The following FAM114A2 variants were observed in gnomAD, a reference collection of about 807,000 sequenced individuals.
FAM114A2 encodes protein FAM114A2.
Under a neutral mutation model 58.4 loss-of-function variants are expected in FAM114A2, and 53 were observed. The observed-to-expected ratio is 0.91, with a 90% CI of 0.73 to 1.14. The LOEUF (loss-of-function observed/expected upper bound fraction) is 1.14, where lower values mean the gene tolerates loss of function less well. FAM114A2 is among the 50% of genes most tolerant of loss of function. The probability of loss-of-function intolerance (pLI) is 0.00; values close to 1 mark genes in which losing one functional copy is unlikely to be tolerated. For missense variants in FAM114A2, 601 were observed against 581.1 expected, an observed-to-expected ratio of 1.03 and a Z score of -0.35; for synonymous variants, 228 against 211.4, an observed-to-expected ratio of 1.08 and a Z score of -0.68.
intron 1 of FAM114A2, among the ~76,000 whole-genome samples, 178 bp from the exon 2 acceptor site, chr5:154,035,145 C>G (rs1027353210): frequency 6.6e-6 from 1 of 152,184 alleles, no homozygotes; most frequent in African/African-American, 2.4e-5. Context: ...AATATAATAT[C>G]ACAACCAGGA....
chr5:154,035,922 T>C (rs2560046), intron 1 of FAM114A2, among the ~76,000 whole-genome samples: 99,146 of 152,030 alleles, frequency 0.65, 32,699 homozygotes, highest in East Asian at 0.88. Context: ...ATTTAAGTTG[T>C]ACTTCTCTAA....
At chr5:154,031,504 A>ATGTAATT (rs962388001) in intron 4 of FAM114A2, among the ~76,000 whole-genome samples, 5 of 152,178 alleles carry the variant, frequency 3.3e-5, no homozygotes, top group African/African-American at 1.2e-4. Context: ...ACTACAAGAC[A>ATGTAATT]CATCCTTGGC....
intron 8 of FAM114A2, among the ~76,000 whole-genome samples, chr5:154,015,095 A>G (rs1770948597): frequency 6.6e-6 from 1 of 152,080 alleles, no homozygotes; most frequent in Admixed American, 6.5e-5. Context: ...ACATAACTCC[A>G]TTGACCTGGA....
chr5:153,991,817 C>T lies in FAM114A2; in HGVS notation c.*1159G>A, dbSNP rs1769262693. ...AGGTTTTAGAAGATGAGGGGCAGAG[C>T]TAACAAATTACCTTAATCATTAAAA... On this transcript the variant is annotated 3_prime_UTR_variant, in exon 14 of 14. Transcript: ENST00000351797. 1 of 151,096 alleles carries T rather than the reference C, an allele frequency of 6.6e-6. No homozygotes were observed. Among genetic ancestry groups the T allele is most frequent in the South Asian group, 2.1e-4 (1 of 4,798 alleles). 9.4% of individuals were successfully genotyped at this position (151,096 alleles called of 1,614,324 possible). A position where few individuals can be genotyped will look rare whatever the true frequency, so the allele number is the denominator to read the frequency against.
chr5:154,028,396 A>AAT (rs1342674408), intron 5 of FAM114A2, 113 bp from the exon 6 acceptor site: 58 of 689,970 alleles, frequency 8.4e-5, no homozygotes, highest in Non-Finnish European at 1.3e-4. Context: ...AGCACTGGCA[A>AAT]GAATGTAAAG....
rs747779290 is a variant in FAM114A2 at position 154,034,395 on chromosome 5, A to G, written c.211-18T>C. ...ACATTATCCTAATTTCCCAGTAGGC[A>G]GAAAAACAAAAGGCAAAGAAAAATG... On this transcript the variant is annotated intron_variant, in intron 2 of 13. Transcript: ENST00000351797. The G allele has an allele frequency of 2.7e-6, 4 of 1,475,260 alleles. 1 individual carries two copies. In the South Asian group the frequency reaches 5.1e-5, roughly 19 times the overall value. The allele number at this position is 1,475,260 out of a possible 1,614,324, so 91.4% of individuals were successfully genotyped here. A position where few individuals can be genotyped will look rare whatever the true frequency, so the allele number is the denominator to read the frequency against.
At chr5:154,035,011 G>A in intron 1 of FAM114A2, 44 bp from the exon 2 acceptor site, 1 of 1,202,696 alleles carries the variant, frequency 8.3e-7, no homozygotes, top group South Asian at 1.3e-5. Context: ...AGGCTTCTTT[G>A]GTATAAAGTA....
chr5:154,002,792 T>C (rs2113237022), intron 10 of FAM114A2, 55 bp downstream of exon 10: 1 of 1,596,542 alleles, frequency 6.3e-7, no homozygotes, highest in South Asian at 1.1e-5. Context: ...TCCCTGATTG[T>C]GACACATTTC....
chr5:154,003,501 C>A (rs944912050), intron 9 of FAM114A2, among the ~76,000 whole-genome samples: 1 of 151,960 alleles, frequency 6.6e-6, no homozygotes, highest in Non-Finnish European at 1.5e-5. Flanking sequence ...TTTAAAAAAC[C>A]AAGGTATAAT....
intron 3 of FAM114A2, 50 bp from the exon 4 acceptor site, chr5:154,033,933 G>T: frequency 8.6e-7 from 1 of 1,168,786 alleles, no homozygotes; most frequent in Non-Finnish European, 1.3e-6. Context: ...CAAAACTGAA[G>T]AAACAAAAAT....
intron 11 of FAM114A2, among the ~76,000 whole-genome samples, chr5:154,001,161 T>TACATATACATATATAC (rs1769944230): frequency 6.6e-6 from 1 of 152,208 alleles, no homozygotes; most frequent in Admixed American, 6.5e-5. Flanking sequence ...GGAGACTATA[T>TACATATACATATATAC]ACATATACAT....
At chr5:154,006,242 G>C (rs1770335813) in intron 9 of FAM114A2, among the ~76,000 whole-genome samples, 1 of 152,158 alleles carries the variant, frequency 6.6e-6, no homozygotes, top group Admixed American at 6.5e-5. Context: ...GCCAGTGCTG[G>C]GGATTCAATG....
intron 7 of FAM114A2, among the ~76,000 whole-genome samples, 173 bp from the exon 8 acceptor site, chr5:154,026,695 T>C (rs1056786409): frequency 6.6e-6 from 1 of 152,118 alleles, no homozygotes; most frequent in Non-Finnish European, 1.5e-5. Context: ...GACAGAAAGG[T>C]AGGGAGACTC....
intron 4 of FAM114A2, among the ~76,000 whole-genome samples, chr5:154,032,987 T>G (rs1030068724): frequency 2.6e-5 from 4 of 152,190 alleles, no homozygotes; most frequent in African/African-American, 9.7e-5. Context: ...CCATAGTCCT[T>G]TGCAGCCATG....
intron 10 of FAM114A2, 109 bp downstream of exon 10, chr5:154,002,738 C>T (rs12110144): frequency 0.016 from 17,549 of 1,107,348 alleles, 495 homozygotes; most frequent in African/African-American, 0.1. Flanking sequence ...TCCTAGATCA[C>T]AAGGTTGAAA....
At position 153,995,971 on chromosome 5, in the gene FAM114A2, A is replaced by C. The variant is rs528711768; in HGVS notation, c.1330-999T>G. 2.0e-5 allele frequency among the ~76,000 whole-genome samples: 3 copies of C among 152,314 alleles called. 1 individual carries two copies. The South Asian group carries it at 6.2e-4, about 32-fold the overall frequency. ...TCTATATTTCCATTATAGGTCTCAG[A>C]AGATAGCATAAAAAATACTGAAAAC... On this transcript the variant is annotated intron_variant, in intron 12 of 13. Transcript: ENST00000351797.
intron 1 of FAM114A2, chr5:154,037,035 T>G (rs968025924): frequency 6.6e-6 from 1 of 152,232 alleles, no homozygotes; most frequent in African/African-American, 2.4e-5. Flanking sequence ...ACTCAAATTA[T>G]GCTACCTGAT....
At chr5:154,009,317 A>C (rs992628452) in intron 9 of FAM114A2, among the ~76,000 whole-genome samples, 1 of 152,220 alleles carries the variant, frequency 6.6e-6, no homozygotes, top group African/African-American at 2.4e-5. Flanking sequence ...ACATCAAAAT[A>C]ATTAAGGACA....
intron 12 of FAM114A2, among the ~76,000 whole-genome samples, chr5:153,996,871 C>CCT (rs1273958647): frequency 2.0e-5 from 3 of 151,756 alleles, no homozygotes; most frequent in Non-Finnish European, 2.9e-5. Flanking sequence ...GTGGCAGGTG[C>CCT]CTGTAATCCC....
Sources: allele counts gnomAD v4.1 joint callset (sites outside exome capture counted in the v4.1 genomes callset), GRCh38; gene constraint gnomAD v4.1.1; transcripts MANE v1.5; gene names NCBI Gene and HGNC (gene_info 2026-07-23, HGNC 2026-07-21).